Variants in GRID2 observed in about 807,000 individuals in gnomAD.
GRID2 encodes glutamate ionotropic receptor delta type subunit 2, also known as glutamate receptor ionotropic, delta-2.
A neutral mutation model predicts 114.8 loss-of-function variants in GRID2; 33 were observed. That is an observed-to-expected ratio of 0.29 (90% CI 0.22 to 0.38). The LOEUF (loss-of-function observed/expected upper bound fraction) is 0.38. Among genes scored for constraint, GRID2 ranks in the 10% least tolerant of loss-of-function variants. GRID2 has a pLI of 1.00. For missense variants in GRID2, 1,184 were observed against 1,257.7 expected, an observed-to-expected ratio of 0.94 and a Z score of 0.89; for synonymous variants, 505 against 449.9, an observed-to-expected ratio of 1.12 and a Z score of -1.55.
intron 2 of GRID2, among the ~76,000 whole-genome samples, chr4:92,987,235 T>C (rs1302127793): frequency 6.6e-6 from 1 of 152,146 alleles, no homozygotes; most frequent in African/African-American, 2.4e-5. Context: ...TTTTTTTTAG[T>C]AATGGGAAAT....
intron 2 of GRID2, among the ~76,000 whole-genome samples, chr4:92,707,196 T>G (rs368832676): frequency 9.1e-4 from 138 of 152,268 alleles, no homozygotes; most frequent in African/African-American, 3.1e-3. Flanking sequence ...AATCTGAGTC[T>G]TCTGAAATTT....
intron 2 of GRID2, among the ~76,000 whole-genome samples, chr4:93,021,517 G>A (rs1337931943): frequency 1.4e-5 from 2 of 145,986 alleles, no homozygotes; most frequent in Non-Finnish European, 3.0e-5. Flanking sequence ...AGGAAATTTT[G>A]GGCTTATTTT....
chr4:92,968,314 T>C (rs1203192308), intron 2 of GRID2, among the ~76,000 whole-genome samples: 2 of 151,820 alleles, frequency 1.3e-5, no homozygotes, highest in Non-Finnish European at 2.9e-5. Context: ...TCAGGCTTTA[T>C]TTAAAAAAAT....
intron 2 of GRID2, among the ~76,000 whole-genome samples, chr4:92,986,598 A>T (rs943592335): frequency 1.3e-5 from 2 of 152,142 alleles, no homozygotes; most frequent in African/African-American, 4.8e-5. Flanking sequence ...TCTGGTTTCC[A>T]TGATTGTGCT....
chr4:92,533,092 A>G (rs1725427980), intron 1 of GRID2, among the ~76,000 whole-genome samples: 1 of 151,930 alleles, frequency 6.6e-6, no homozygotes. Flanking sequence ...AAACAAAAAT[A>G]ATTTTTATTC....
chr4:93,275,350 C>G (rs1280955566), intron 8 of GRID2, among the ~76,000 whole-genome samples: 1 of 151,642 alleles, frequency 6.6e-6, no homozygotes, highest in African/African-American at 2.4e-5. Context: ...CGCTTTTCCT[C>G]CATTATGAAT....
At chr4:93,500,802 A>G (rs1049579041) in intron 12 of GRID2, among the ~76,000 whole-genome samples, 6 of 151,954 alleles carry the variant, frequency 3.9e-5, no homozygotes, top group Admixed American at 1.3e-4. Flanking sequence ...GTCAGGATAT[A>G]TATTTGCCAG....
chr4:92,530,375 C>T (rs1208282332), intron 1 of GRID2, among the ~76,000 whole-genome samples: 1 of 151,762 alleles, frequency 6.6e-6, no homozygotes, highest in South Asian at 2.1e-4. Flanking sequence ...GACAGTGCCT[C>T]ATACGAACTA....
intron 10 of GRID2, among the ~76,000 whole-genome samples, chr4:93,440,960 A>G (rs760059957): frequency 6.6e-6 from 1 of 152,104 alleles, no homozygotes; most frequent in Non-Finnish European, 1.5e-5. Context: ...AAAGGGAATG[A>G]TACCATCCAG....
rs1747153167 is a variant in GRID2 at position 93,239,075 on chromosome 4, C to T, written c.1245+585C>T. On this transcript the variant is annotated intron_variant, in intron 8 of 15. Transcript: ENST00000282020. ...TTTCTCAAGGAGAAATACAAACGCC[C>T]TTATATAAATGATGTTTCTATAATT... Among the ~76,000 whole-genome samples the T allele has an allele frequency of 2.7e-5, 4 of 149,308 alleles. No individual in the cohort carries two copies. The South Asian group carries it at 6.3e-4, about 23-fold the overall frequency.
intron 2 of GRID2, among the ~76,000 whole-genome samples, chr4:92,781,420 A>T (rs1739067616): frequency 6.6e-6 from 1 of 152,092 alleles, no homozygotes; most frequent in African/African-American, 2.4e-5. Context: ...TCAGTAACTA[A>T]GATAAGTTTA....
At chr4:92,525,801 A>C (rs1725011368) in intron 1 of GRID2, among the ~76,000 whole-genome samples, 1 of 152,118 alleles carries the variant, frequency 6.6e-6, no homozygotes, top group African/African-American at 2.4e-5. Flanking sequence ...GGAGCACTTA[A>C]ATGGCACAGT....
chr4:92,924,938 C>T (rs920994200), intron 2 of GRID2, among the ~76,000 whole-genome samples: 19 of 152,058 alleles, frequency 1.2e-4, no homozygotes, highest in Non-Finnish European at 1.9e-4. Context: ...ACCTGCTTTT[C>T]TTAGTTCCTA....
chr4:93,461,226 T>A (rs1723710350), intron 11 of GRID2, among the ~76,000 whole-genome samples: 1 of 152,150 alleles, frequency 6.6e-6, no homozygotes, highest in South Asian at 2.1e-4. Flanking sequence ...AGCTACTTCA[T>A]CTTTGAAAAG....
At chr4:93,048,588 C>T (rs1726391300) in intron 2 of GRID2, among the ~76,000 whole-genome samples, 1 of 152,024 alleles carries the variant, frequency 6.6e-6, no homozygotes, top group Admixed American at 6.6e-5. Context: ...GCCCCAAACC[C>T]CCATAAAAAT....
intron 2 of GRID2, among the ~76,000 whole-genome samples, chr4:92,675,637 G>A (rs184196102): frequency 1.4e-3 from 206 of 150,054 alleles, no homozygotes; most frequent in African/African-American, 4.8e-3. Context: ...TGCAAGCTCC[G>A]CCTCCCAGGG....
intron 2 of GRID2, among the ~76,000 whole-genome samples, chr4:92,892,924 A>G (rs1030224922): frequency 4.6e-5 from 7 of 152,228 alleles, no homozygotes; most frequent in African/African-American, 1.4e-4. Context: ...ATAAAACAGC[A>G]TGCAGCATTT....
intron 4 of GRID2, among the ~76,000 whole-genome samples, chr4:93,166,673 G>A (rs2149415813): frequency 6.6e-6 from 1 of 152,256 alleles, no homozygotes; most frequent in South Asian, 2.1e-4. Flanking sequence ...TAGGGATAAT[G>A]CAGGGATATA....
intron 2 of GRID2, among the ~76,000 whole-genome samples, chr4:92,809,212 T>G (rs1364747970): frequency 6.6e-6 from 1 of 151,990 alleles, no homozygotes; most frequent in Non-Finnish European, 1.5e-5. Flanking sequence ...TAAAAAATCT[T>G]AGTTTTCATG....
Sources: allele counts gnomAD v4.1 joint callset (sites outside exome capture counted in the v4.1 genomes callset), GRCh38; gene constraint gnomAD v4.1.1; transcripts MANE v1.5; gene names NCBI Gene and HGNC (gene_info 2026-07-23, HGNC 2026-07-21).